Variants in CAMTA1 observed in about 807,000 individuals in gnomAD.
CAMTA1 encodes the protein calmodulin binding transcription activator 1.
In CAMTA1, 27 loss-of-function variants were observed where a neutral mutation model predicts 170.9. The ratio of observed to expected loss-of-function variants is 0.16; its 90% CI spans 0.12 to 0.22. The LOEUF (loss-of-function observed/expected upper bound fraction) is 0.22. Among genes scored for constraint, CAMTA1 ranks in the 10% least tolerant of loss-of-function variants. The pLI, the probability that CAMTA1 is intolerant of heterozygous loss-of-function variation, is 1.00. For missense variants in CAMTA1, 1,619 were observed against 2,217.2 expected (o/e 0.73, Z 5.42); for synonymous variants, 833 against 891.5 (o/e 0.93, Z 1.17).
intron 4 of CAMTA1, among the ~76,000 whole-genome samples, chr1:7,096,269 C>T (rs1642063674): frequency 1.3e-5 from 2 of 152,158 alleles, no homozygotes; most frequent in East Asian, 1.9e-4. Context: ...TTTCCTGACC[C>T]CATCCGTCCA....
intron 4 of CAMTA1, among the ~76,000 whole-genome samples, chr1:7,177,394 A>C (rs547167731): frequency 1.0e-4 from 15 of 147,468 alleles, no homozygotes; most frequent in Non-Finnish European, 1.5e-4. Flanking sequence ...CCCAACACAG[A>C]GGACTCTCCC....
chr1:7,730,500 T>C (rs1045392846), intron 11 of CAMTA1, among the ~76,000 whole-genome samples: 4 of 152,232 alleles, frequency 2.6e-5, no homozygotes, highest in African/African-American at 4.8e-5. Flanking sequence ...TCCCTCCTTA[T>C]TACGTTATCC....
At chr1:7,259,124 TG>T (rs1412102028) in intron 5 of CAMTA1, among the ~76,000 whole-genome samples, 1 of 152,200 alleles carries the variant, frequency 6.6e-6, no homozygotes, top group African/African-American at 2.4e-5. Flanking sequence ...TGTTTCCTTC[TG>T]TGCGGGTGTG....
intron 5 of CAMTA1, among the ~76,000 whole-genome samples, chr1:7,353,430 T>A (rs1574873119): frequency 3.7e-5 from 1 of 27,066 alleles, no homozygotes; most frequent in African/African-American, 9.9e-5. Flanking sequence ...TTTCTTTCTC[T>A]CTTTTTTTTT....
At chr1:7,358,489 T>C (rs1462271453) in intron 5 of CAMTA1, among the ~76,000 whole-genome samples, 1 of 152,180 alleles carries the variant, frequency 6.6e-6, no homozygotes, top group African/African-American at 2.4e-5. Context: ...CGGGCAGTGG[T>C]GGGGCTGCTT....
At chr1:7,553,919 C>G (rs968720938) in intron 6 of CAMTA1, among the ~76,000 whole-genome samples, 4 of 152,174 alleles carry the variant, frequency 2.6e-5, no homozygotes, top group Non-Finnish European at 1.5e-5. Context: ...TGACTGCCCC[C>G]CTGCTCTGTC....
Position 7,044,703 on chromosome 1 carries a change from G to A in CAMTA1, c.235-46601G>A, listed in dbSNP as rs1297241991. The stretch of plus-strand genomic sequence containing the variant: ...CCCTCCCCTCTCTGGGCGACCTTCC[G>A]AGGAGGCATCAGCTCTTCCCTTGCT... On this transcript the variant is annotated intron_variant, in intron 3 of 22. Coordinates refer to ENST00000303635, the MANE Select transcript of CAMTA1 (RefSeq NM_015215.4). This position sits in a 1 kb window ranked among gnomAD's most constrained non-coding sequence, Gnocchi z 5.0. Among the ~76,000 whole-genome samples the A allele has an allele frequency of 2.6e-5, 3 of 113,210 alleles. No homozygotes were observed. The highest frequency in any genetic ancestry group is 1.4e-4 in the African/African-American group (3 of 21,878). 74.3% of individuals were successfully genotyped at this position (113,210 alleles called of 152,430 possible).
chr1:7,131,837 C>A (rs560336532), intron 4 of CAMTA1, among the ~76,000 whole-genome samples: 21 of 152,264 alleles, frequency 1.4e-4, no homozygotes, highest in African/African-American at 4.8e-4. Context: ...GGGTGGATCA[C>A]CTGTGGTGAG....
intron 4 of CAMTA1, among the ~76,000 whole-genome samples, chr1:7,091,726 G>A (rs572043484): frequency 1.3e-5 from 2 of 152,320 alleles, no homozygotes; most frequent in African/African-American, 2.4e-5. Context: ...TGAAAAAAGA[G>A]AAACCAGCTT....
intron 6 of CAMTA1, among the ~76,000 whole-genome samples, chr1:7,507,406 G>A (rs1045609670): frequency 6.6e-6 from 1 of 152,094 alleles, no homozygotes; most frequent in African/African-American, 2.4e-5. Context: ...GGGGGCACAC[G>A]CCTGGCACGG....
intron 22 of CAMTA1, among the ~76,000 whole-genome samples, chr1:7,762,174 A>T (rs1446073135): frequency 6.6e-6 from 1 of 152,248 alleles, no homozygotes; most frequent in Non-Finnish European, 1.5e-5. Flanking sequence ...GCTAACAAGC[A>T]GGAATAATTA....
chr1:7,053,399 G>A (rs1706767596), intron 3 of CAMTA1, among the ~76,000 whole-genome samples: 2 of 152,196 alleles, frequency 1.3e-5, no homozygotes, highest in Admixed American at 1.3e-4. Flanking sequence ...GAGCGTGGCA[G>A]CCCCCTCTCT....
chr1:7,354,429 T>A (rs188634591), intron 5 of CAMTA1, among the ~76,000 whole-genome samples: 2 of 151,830 alleles, frequency 1.3e-5, no homozygotes, highest in South Asian at 2.1e-4. Flanking sequence ...GATTACAGGC[T>A]TGAGCCACCG....
intron 4 of CAMTA1, among the ~76,000 whole-genome samples, chr1:7,204,357 T>C (rs949538289): frequency 6.6e-6 from 1 of 152,146 alleles, no homozygotes; most frequent in Admixed American, 6.5e-5. Flanking sequence ...AGTTTTGGTA[T>C]GTTGTGTCTT....
In CAMTA1 at chr1:7,764,928, C is replaced by A. The variant is rs370704402; in HGVS notation, c.4990-1531C>A. ...TGAGCCGAGATCGCACCACTGCACTCCAGCCTGGGCAACAGAGTTAGACTC... is the reference window on the plus strand; with the variant it reads ...TGAGCCGAGATCGCACCACTGCACTACAGCCTGGGCAACAGAGTTAGACTC... On this transcript the variant is annotated intron_variant, in intron 22 of 22. Transcript: ENST00000303635. Among the ~76,000 whole-genome samples the A allele has an allele frequency of 2.6e-5, 4 of 152,016 alleles. 1 individual carries two copies. In the South Asian group the frequency reaches 8.3e-4, roughly 32 times the overall value.
intron 3 of CAMTA1, among the ~76,000 whole-genome samples, chr1:7,077,479 C>A (rs908496313): frequency 8.6e-5 from 13 of 151,952 alleles, no homozygotes; most frequent in African/African-American, 3.1e-4. Flanking sequence ...CGTTTGCCAG[C>A]CTCCTTTGAT....
At chr1:7,523,460 G>C (rs2094391477) in intron 6 of CAMTA1, among the ~76,000 whole-genome samples, 1 of 152,054 alleles carries the variant, frequency 6.6e-6, no homozygotes, top group African/African-American at 2.4e-5. Context: ...CACTAGGTTG[G>C]GTCTTCCAAT....
In CAMTA1 at chr1:7,542,735, G is replaced by A. The variant is rs535222809; in HGVS notation, c.510+74834G>A. Among the ~76,000 whole-genome samples the A allele has an allele frequency of 5.3e-5, 8 of 152,072 alleles. No homozygotes were observed. In the South Asian group the frequency reaches 1.7e-3, roughly 32 times the overall value. On this transcript the variant is annotated intron_variant, in intron 6 of 22. Transcript: ENST00000303635. ...GTAGAGACGGGATTTCGCCATGTTG[G>A]CCAGACTGATCTTGAACTCCTGGCC...
At chr1:6,822,794 C>A (rs892621811) in intron 2 of CAMTA1, among the ~76,000 whole-genome samples, 1 of 146,582 alleles carries the variant, frequency 6.8e-6, no homozygotes, top group Non-Finnish European at 1.5e-5. Flanking sequence ...TACATAAATA[C>A]CACACACACA....
Sources: gnomAD v4.1 joint callset for allele counts (sites outside exome capture counted in the v4.1 genomes callset) on GRCh38, gnomAD v4.1.1 for gene constraint, Gnocchi (gnomAD v3.1) non-coding constraint, MANE v1.5 for transcripts, NCBI Gene and HGNC (gene_info 2026-07-23, HGNC 2026-07-21) for gene names.